ATP13A4: variants seen among roughly 807,000 people sequenced by gnomAD.
ATP13A4 encodes probable cation-transporting ATPase 13A4.
Under a neutral mutation model 142.5 loss-of-function variants are expected in ATP13A4, and 114 were observed. That is an observed-to-expected ratio of 0.80 (90% CI 0.69 to 0.93). The LOEUF is 0.93. ATP13A4 is among the 40% of genes least tolerant of loss of function. The pLI is 0.00. For synonymous variants in ATP13A4, 488 were observed against 514.8 expected, an observed-to-expected ratio of 0.95 and a Z score of 0.70; for missense variants, 1,392 against 1,454.0, an observed-to-expected ratio of 0.96 and a Z score of 0.69.
chr3:193,460,523 T>C (rs919295168), intron 13 of ATP13A4, among the ~76,000 whole-genome samples: 3 of 152,352 alleles, frequency 2.0e-5, no homozygotes, highest in African/African-American at 7.2e-5. Flanking sequence ...CTGTTAGTTA[T>C]ACTTATTACT....
chr3:193,494,131 C>G (rs1577020774), intron 3 of ATP13A4, among the ~76,000 whole-genome samples: 1 of 152,014 alleles, frequency 6.6e-6, no homozygotes. Flanking sequence ...ATATATAAAG[C>G]AAATATTAAT....
chr3:193,513,941 T>C (rs1721269423), intron 2 of ATP13A4, among the ~76,000 whole-genome samples: 1 of 152,342 alleles, frequency 6.6e-6, no homozygotes, highest in African/African-American at 2.4e-5. Flanking sequence ...GCCTATAGCC[T>C]GACTTGACTA....
chr3:193,440,856 AC>A (rs761574376), intron 20 of ATP13A4, among the ~76,000 whole-genome samples: 1 of 152,198 alleles, frequency 6.6e-6, no homozygotes, highest in South Asian at 2.1e-4. Flanking sequence ...TAATTACTTA[AC>A]AAAAAATATT....
intron 23 of ATP13A4, 136 bp downstream of exon 23, chr3:193,438,339 C>G (rs1287367715): frequency 1.4e-6 from 1 of 732,726 alleles, no homozygotes; most frequent in African/African-American, 1.7e-5. Context: ...AAGTAGAATG[C>G]TTGACTGCAT....
At chr3:193,410,152 T>C (rs2108602103) in intron 28 of ATP13A4, among the ~76,000 whole-genome samples, 1 of 152,338 alleles carries the variant, frequency 6.6e-6, no homozygotes, top group Non-Finnish European at 1.5e-5. Context: ...TGTAGGTTTT[T>C]ACAGCTGTAT....
intron 25 of ATP13A4, among the ~76,000 whole-genome samples, chr3:193,420,001 C>A (rs184440476): frequency 6.7e-6 from 1 of 150,020 alleles, no homozygotes. Context: ...CAGGGAACTT[C>A]GTTGCCATTA....
chr3:193,579,361 G>A (rs907674339), intron 2 of ATP13A4: 8 of 234,808 alleles, frequency 3.4e-5, no homozygotes, highest in Admixed American at 1.9e-4. Flanking sequence ...GGACCTGCTC[G>A]AATCTACGTG....
rs1344329643 is a variant in ATP13A4 at position 193,401,786 on chromosome 3, C to T, written c.*866G>A. On this transcript the variant is annotated 3_prime_UTR_variant, in exon 30 of 30. Coordinates refer to ENST00000342695, the MANE Select transcript of ATP13A4 (RefSeq NM_032279.4). ...CATGGGGCCCTGTGTAGTGACAGCT[C>T]ATAAGCCCATGAAGCATCCCTAAAC... Among the ~76,000 whole-genome samples, 1 of 152,206 alleles carries T rather than the reference C, an allele frequency of 6.6e-6. No individual in the cohort carries two copies. The highest frequency in any genetic ancestry group is 2.4e-5 in the African/African-American group (1 of 41,460).
chr3:193,544,599 G>A (rs1160423786), intron 1 of ATP13A4, among the ~76,000 whole-genome samples: 3 of 152,122 alleles, frequency 2.0e-5, no homozygotes, highest in African/African-American at 2.4e-5. Context: ...CATAGATGAC[G>A]AAAAAGTGAA....
chr3:193,437,933 A>G lies in ATP13A4; in HGVS notation c.2672+542T>C, dbSNP rs372825335. On this transcript the variant is annotated intron_variant, in intron 23 of 29. Transcript: ENST00000342695. ...TGCAATCTCCACCTCCCAGGTTCACACCATTCTCCTGCCTCAGCCTCCCAA... is the reference window on the plus strand; with the variant it reads ...TGCAATCTCCACCTCCCAGGTTCACGCCATTCTCCTGCCTCAGCCTCCCAA... 4.5e-3 allele frequency among the ~76,000 whole-genome samples: 650 copies of G among 146,028 alleles called. 5 individuals carry two copies. Among genetic ancestry groups the G allele is most frequent in the African/African-American group, 0.016 (630 of 39,274 alleles).
At chr3:193,551,731 C>T (rs1295385842) in intron 1 of ATP13A4, among the ~76,000 whole-genome samples, 1 of 152,176 alleles carries the variant, frequency 6.6e-6, no homozygotes, top group Non-Finnish European at 1.5e-5. Context: ...GAGAGCCAGG[C>T]CTCCCGTCCC....
intron 25 of ATP13A4, among the ~76,000 whole-genome samples, chr3:193,430,962 G>A (rs989613507): frequency 6.6e-6 from 1 of 152,090 alleles, no homozygotes; most frequent in African/African-American, 2.4e-5. Context: ...AATGCACAAG[G>A]GAGCTGGCAT....
At chr3:193,565,806 G>A (rs143518703) in intron 2 of ATP13A4, among the ~76,000 whole-genome samples, 1 of 152,304 alleles carries the variant, frequency 6.6e-6, no homozygotes, top group African/African-American at 2.4e-5. Flanking sequence ...AACAGGTCGT[G>A]AGAAACATAT....
Position 193,532,321 on chromosome 3 carries a change from T to A in ATP13A4, c.61-17450A>T, listed in dbSNP as rs1416934348. On this transcript the variant is annotated intron_variant, in intron 1 of 29. Transcript: ENST00000342695. ...CACCTGTTTGGCACTTATTAGGCAATGCTATTCCTATACTTTGAGCTCCCT... is the reference window on the plus strand; with the variant it reads ...CACCTGTTTGGCACTTATTAGGCAAAGCTATTCCTATACTTTGAGCTCCCT... 2.0e-5 allele frequency among the ~76,000 whole-genome samples: 3 copies of A among 150,964 alleles called. No individual in the cohort carries two copies. In the Admixed American group the frequency reaches 2.0e-4, roughly 10 times the overall value.
chr3:193,514,431 C>T (rs1577039921), intron 2 of ATP13A4, among the ~76,000 whole-genome samples: 1 of 152,146 alleles, frequency 6.6e-6, no homozygotes, highest in African/African-American at 2.4e-5. Context: ...ATTATGGCTG[C>T]AGAGTATTCC....
intron 13 of ATP13A4, among the ~76,000 whole-genome samples, chr3:193,460,057 T>C (rs1300250891): frequency 6.6e-6 from 1 of 152,120 alleles, no homozygotes; most frequent in African/African-American, 2.4e-5. Flanking sequence ...GGTGGAAGCT[T>C]CATCCTACAT....
chr3:193,472,382 T>C (rs1718677231), intron 8 of ATP13A4, among the ~76,000 whole-genome samples: 1 of 152,176 alleles, frequency 6.6e-6, no homozygotes, highest in Admixed American at 6.5e-5. Context: ...CCTGTGCTTG[T>C]TTCAGGTTAC....
intron 8 of ATP13A4, among the ~76,000 whole-genome samples, chr3:193,480,410 G>C (rs1719223397): frequency 6.6e-6 from 1 of 151,732 alleles, no homozygotes; most frequent in Non-Finnish European, 1.5e-5. Context: ...GAATCTACGA[G>C]GAACCCAAAC....
intron 1 of ATP13A4, among the ~76,000 whole-genome samples, chr3:193,587,962 A>AAT (rs138399470): frequency 2.3e-5 from 3 of 131,344 alleles, no homozygotes; most frequent in Admixed American, 7.4e-5. Context: ...AGTGTCTGAA[A>AAT]ATATATATAT....
Sources: allele counts gnomAD v4.1 joint callset (sites outside exome capture counted in the v4.1 genomes callset), GRCh38; gene constraint gnomAD v4.1.1; transcripts MANE v1.5; gene names NCBI Gene and HGNC (gene_info 2026-07-23, HGNC 2026-07-21).